SYN3: variants seen among roughly 807,000 people sequenced by gnomAD.
The protein encoded by SYN3 is synapsin III.
A neutral mutation model predicts 65.8 loss-of-function variants in SYN3; 35 were observed. That is an observed-to-expected ratio of 0.53 (90% confidence interval 0.41 to 0.70). SYN3 has a LOEUF of 0.70. Among genes scored for constraint, SYN3 ranks in the 30% least tolerant of loss-of-function variants. The pLI, the probability that SYN3 is intolerant of heterozygous loss-of-function variation, is 0.00. For synonymous variants in SYN3, 270 were observed against 292.9 expected, an observed-to-expected ratio of 0.92 and a Z score of 0.80; for missense variants, 680 against 749.0, an observed-to-expected ratio of 0.91 and a Z score of 1.08.
chr22:32,770,303 G>A (rs1376356013), intron 6 of SYN3, among the ~76,000 whole-genome samples: 1 of 152,144 alleles, frequency 6.6e-6, no homozygotes, highest in Non-Finnish European at 1.5e-5. Flanking sequence ...ATAGCAGAGT[G>A]GTGATGCCTT....
intron 6 of SYN3, among the ~76,000 whole-genome samples, chr22:32,641,365 T>G (rs967191168): frequency 1.1e-4 from 17 of 151,918 alleles, no homozygotes; most frequent in Non-Finnish European, 2.2e-4. Context: ...TCCCAGCACT[T>G]TGGGAGGCTG....
intron 6 of SYN3, among the ~76,000 whole-genome samples, chr22:32,817,756 A>G (rs530437906): frequency 2.6e-5 from 4 of 152,322 alleles, no homozygotes; most frequent in Non-Finnish European, 2.9e-5. Context: ...CGTTAAGGAC[A>G]TGATTGAAGG....
At chr22:32,814,268 G>GGAGGGAGA (rs1306151757) in intron 6 of SYN3, among the ~76,000 whole-genome samples, 1 of 49,748 alleles carries the variant, frequency 2.0e-5, no homozygotes, top group Non-Finnish European at 4.2e-5. Flanking sequence ...AAAGAGGGAG[G>GGAGGGAGA]GAGGGAGAGA....
chr22:32,958,276 A>G (rs2051529892), intron 3 of SYN3, among the ~76,000 whole-genome samples: 1 of 152,218 alleles, frequency 6.6e-6, no homozygotes, highest in African/African-American at 2.4e-5. Context: ...GAGCAAGGGA[A>G]GTGCAAACAG....
chr22:32,664,596 T>G (rs1008613202), intron 6 of SYN3, among the ~76,000 whole-genome samples: 3 of 126,956 alleles, frequency 2.4e-5, no homozygotes, highest in Admixed American at 1.6e-4. Context: ...TTTTTTTTTT[T>G]TTTTTTTTTT....
At chr22:32,587,677 C>T (rs1415934390) in intron 7 of SYN3, among the ~76,000 whole-genome samples, 1 of 152,160 alleles carries the variant, frequency 6.6e-6, no homozygotes, top group African/African-American at 2.4e-5. Context: ...GAGAAGGGAT[C>T]CGAGTCCAGG....
At chr22:32,792,712 G>T (rs1048597052) in intron 6 of SYN3, among the ~76,000 whole-genome samples, 1 of 152,176 alleles carries the variant, frequency 6.6e-6, no homozygotes, top group African/African-American at 2.4e-5. Flanking sequence ...CTTGCCTGCA[G>T]ATAAAGCTCT....
intron 6 of SYN3, among the ~76,000 whole-genome samples, chr22:32,814,766 G>A (rs2047042948): frequency 6.6e-6 from 1 of 152,020 alleles, no homozygotes; most frequent in African/African-American, 2.4e-5. Flanking sequence ...TTTCTTACTG[G>A]GTGGCTCACA....
At chr22:32,621,500 G>C (rs1337615349) in intron 6 of SYN3, among the ~76,000 whole-genome samples, 4 of 152,124 alleles carry the variant, frequency 2.6e-5, no homozygotes, top group Non-Finnish European at 5.9e-5. Flanking sequence ...AGGACAGCTT[G>C]GATTTTGTGA....
chr22:32,666,207 G>T (rs2060287632), intron 6 of SYN3, among the ~76,000 whole-genome samples: 1 of 152,226 alleles, frequency 6.6e-6, no homozygotes, highest in South Asian at 2.1e-4. Context: ...CTTTGAATTG[G>T]TCTCATTTTG....
At chr22:32,787,970 A>C (rs928937346) in intron 6 of SYN3, among the ~76,000 whole-genome samples, 1 of 152,198 alleles carries the variant, frequency 6.6e-6, no homozygotes, top group Non-Finnish European at 1.5e-5. Context: ...AGTGTAGTGT[A>C]AACACAAGTG....
intron 6 of SYN3, among the ~76,000 whole-genome samples, chr22:32,612,060 G>A (rs575181952): frequency 2.0e-5 from 3 of 152,278 alleles, no homozygotes; most frequent in East Asian, 3.9e-4. Context: ...GGAGGGTGGT[G>A]TGCCCCAACT....
intron 6 of SYN3, among the ~76,000 whole-genome samples, chr22:32,662,599 T>C (rs1484840907): frequency 6.6e-6 from 1 of 152,198 alleles, no homozygotes; most frequent in Non-Finnish European, 1.5e-5. Flanking sequence ...TCCAAGTTCC[T>C]CATCTGTAAA....
chr22:33,043,715 G>A (rs370719300), intron 1 of SYN3, among the ~76,000 whole-genome samples: 3 of 151,956 alleles, frequency 2.0e-5, no homozygotes, highest in African/African-American at 7.3e-5. Flanking sequence ...ATTCTAACTC[G>A]TCCATAAGCT....
At chr22:32,846,228 C>A (rs780729655) in intron 6 of SYN3, among the ~76,000 whole-genome samples, 5 of 152,290 alleles carry the variant, frequency 3.3e-5, no homozygotes, top group South Asian at 4.1e-4. Flanking sequence ...GGGATGGGTA[C>A]ATGTGATAGA....
At chr22:32,515,719 G>A (rs746629224) in intron 13 of SYN3, among the ~76,000 whole-genome samples, 20 of 152,110 alleles carry the variant, frequency 1.3e-4, no homozygotes, top group Admixed American at 4.6e-4. Context: ...TGATGGATTA[G>A]TTAGATAAAT....
chr22:32,663,083 G>A (rs2060237678), intron 6 of SYN3, among the ~76,000 whole-genome samples: 3 of 152,180 alleles, frequency 2.0e-5, no homozygotes, highest in African/African-American at 7.2e-5. Flanking sequence ...GCCTCAAGTA[G>A]AGGGGGTTGG....
At chr22:32,687,202 C>T (rs1473494429) in intron 6 of SYN3, among the ~76,000 whole-genome samples, 9 of 64 alleles carry the variant, frequency 0.14, no homozygotes, top group South Asian at 0.25. Context: ...CTCGCTCTGC[C>T]GCCCAGGTGG....
At chr22:32,967,188 C>A (rs958666107) in intron 3 of SYN3, among the ~76,000 whole-genome samples, 3 of 152,218 alleles carry the variant, frequency 2.0e-5, no homozygotes, top group African/African-American at 7.2e-5. Context: ...AGAGCCCAGG[C>A]TGTACAGCTG....
Sources: allele counts gnomAD v4.1 joint callset (sites outside exome capture counted in the v4.1 genomes callset), GRCh38; gene constraint gnomAD v4.1.1; transcripts MANE v1.5; gene names NCBI Gene and HGNC (gene_info 2026-07-23, HGNC 2026-07-21).